ZFR: variants seen among roughly 807,000 people sequenced by gnomAD.
ZFR encodes the protein zinc finger RNA-binding protein.
Under a neutral mutation model 130.7 loss-of-function variants are expected in ZFR, and 19 were observed. The ratio of observed to expected loss-of-function variants is 0.15; its 90% CI spans 0.10 to 0.21. The LOEUF (loss-of-function observed/expected upper bound fraction) is 0.21. ZFR is among the 10% of genes least tolerant of loss of function. ZFR has a pLI of 1.00. For missense variants in ZFR, 872 were observed against 1,321.5 expected, an observed-to-expected ratio of 0.66 and a Z score of 5.27; for synonymous variants, 466 against 456.9, an observed-to-expected ratio of 1.02 and a Z score of -0.25.
chr5:32,389,529 T>C (rs1042715408), intron 12 of ZFR, among the ~76,000 whole-genome samples: 6 of 152,152 alleles, frequency 3.9e-5, no homozygotes, highest in Non-Finnish European at 8.8e-5. Context: ...TCAACATCAG[T>C]TGTTTCTGAC....
chr5:32,375,447 T>C (rs1261761746), intron 17 of ZFR, among the ~76,000 whole-genome samples: 1 of 152,224 alleles, frequency 6.6e-6, no homozygotes, highest in Non-Finnish European at 1.5e-5. Flanking sequence ...ACTCTAGAAT[T>C]ATCTTTTAAT....
chr5:32,365,605 C>G (rs1752524386), intron 17 of ZFR, among the ~76,000 whole-genome samples: 1 of 151,338 alleles, frequency 6.6e-6, no homozygotes, highest in African/African-American at 2.4e-5. Flanking sequence ...GTCACCCAGG[C>G]TAGAATGCAG....
At chr5:32,424,691 T>C (rs1245628629) in intron 2 of ZFR, among the ~76,000 whole-genome samples, 5 of 152,194 alleles carry the variant, frequency 3.3e-5, no homozygotes, top group African/African-American at 4.8e-5. Flanking sequence ...CTAGGAAGAT[T>C]TTCTAATAAG....
At chr5:32,410,167 G>A (rs1753670994) in intron 5 of ZFR, among the ~76,000 whole-genome samples, 2 of 151,290 alleles carry the variant, frequency 1.3e-5, no homozygotes, top group Admixed American at 1.3e-4. Context: ...TTAGCCCGGT[G>A]TGGTGGCATG....
chr5:32,415,083 T>G lies in ZFR; in HGVS notation c.670A>C (p.Thr224Pro). 1 of 1,614,140 alleles carries G rather than the reference T, an allele frequency of 6.2e-7. No homozygotes were observed. The highest frequency in any genetic ancestry group is 8.5e-7 in the Non-Finnish European group (1 of 1,180,028). Reference protein sequence around the residue: ...KPATPSPATTTFSIYPVSSTV... With the variant: ...KPATPSPATTPFSIYPVSSTV... ...GAGGATACAGGATAGATGGAGAAAG[T>G]AGTGGTAGCTGGACTTGGTGTGGCT... is the stretch of plus-strand genomic sequence containing the variant. The change falls in exon 5 of 20, where the codon ACT becomes CCT. Residue 224 changes from threonine to proline, a missense_variant. By Grantham distance (38) the Thr-to-Pro change is conservative (BLOSUM62 -1). This residue lies in a region of ZFR where 240 missense variants were observed against 441.2 expected (regional missense o/e 0.54). Transcript: ENST00000265069.
At chr5:32,433,570 A>C (rs958163525) in intron 2 of ZFR, among the ~76,000 whole-genome samples, 1 of 152,170 alleles carries the variant, frequency 6.6e-6, no homozygotes, top group Non-Finnish European at 1.5e-5. Context: ...ATTTTTTCTG[A>C]AATGTCTGAT....
intron 19 of ZFR, among the ~76,000 whole-genome samples, chr5:32,356,151 A>G (rs1489335449): frequency 4.6e-5 from 7 of 151,964 alleles, no homozygotes; most frequent in Non-Finnish European, 7.4e-5. Flanking sequence ...TATCTTAAAC[A>G]TTAAGTAAAA....
intron 5 of ZFR, among the ~76,000 whole-genome samples, chr5:32,410,978 G>A (rs1245357934): frequency 6.6e-6 from 1 of 152,214 alleles, no homozygotes; most frequent in African/African-American, 2.4e-5. Context: ...ATGTAAGGAT[G>A]TTCTACCTAG....
At chr5:32,396,562 A>G (rs1753318233) in intron 10 of ZFR, among the ~76,000 whole-genome samples, 1 of 152,022 alleles carries the variant, frequency 6.6e-6, no homozygotes, top group Non-Finnish European at 1.5e-5. Context: ...ACATGGTGAA[A>G]CCCCATCTCT....
chr5:32,364,320 ATT>A (rs1256084663), intron 17 of ZFR, 45 bp from the exon 18 acceptor site: 2 of 1,456,168 alleles, frequency 1.4e-6, no homozygotes, highest in African/African-American at 2.8e-5. Context: ...TACCAAAGGA[ATT>A]ACTCATTTTC....
intron 11 of ZFR, among the ~76,000 whole-genome samples, chr5:32,391,170 T>A (rs2111738871): frequency 6.6e-6 from 1 of 152,362 alleles, no homozygotes; most frequent in South Asian, 2.1e-4. Context: ...CCATCCCACC[T>A]ATGAATCATC....
chr5:32,378,788 A>C (rs1354262323), intron 17 of ZFR, among the ~76,000 whole-genome samples: 1 of 152,012 alleles, frequency 6.6e-6, no homozygotes, highest in Non-Finnish European at 1.5e-5. Context: ...CTGCATAAGG[A>C]GATTAACAGT....
At chr5:32,425,650 C>G (rs1754057898) in intron 2 of ZFR, among the ~76,000 whole-genome samples, 1 of 152,176 alleles carries the variant, frequency 6.6e-6, no homozygotes, top group South Asian at 2.1e-4. Flanking sequence ...GCCTCAGCCA[C>G]CCGAGTAGCT....
At chr5:32,396,071 T>C (rs1475585146) in intron 10 of ZFR, among the ~76,000 whole-genome samples, 2 of 151,898 alleles carry the variant, frequency 1.3e-5, no homozygotes, top group Non-Finnish European at 2.9e-5. Flanking sequence ...ATACAAAAGC[T>C]AGCCAGGCAT....
chr5:32,387,577 A>G lies in ZFR; in HGVS notation c.2471T>C (p.Ile824Thr), dbSNP rs761587136. ...AAGCTGTTTGGGTAGGTTTTCTGCAATACGGCTTAATAATGTCTTTGAAGG... is the reference window on the plus strand; with the variant it reads ...AAGCTGTTTGGGTAGGTTTTCTGCAGTACGGCTTAATAATGTCTTTGAAGG... Reference protein sequence around the residue: ...EKPSKTLLSRIAENLPKQLAV... With the variant: ...EKPSKTLLSRTAENLPKQLAV... The change falls in exon 14 of 20, where the codon ATT becomes ACT. Residue 824 changes from isoleucine (I) to threonine (T), a missense_variant. Transcript: ENST00000265069. The G allele has an allele frequency of 6.2e-7, 1 of 1,613,284 alleles. No individual in the cohort carries two copies. The highest frequency in any genetic ancestry group is 8.5e-7 in the Non-Finnish European group (1 of 1,179,562).
At position 32,444,682 on chromosome 5, in the gene ZFR, C is replaced by T. The variant is rs1297263595; in HGVS notation, c.-24G>A. ...ATGGGCTCGGGCTGCTGCTGCTGAA[C>T]TCTGAACTCTCACCCGCTGCCTCCC... On this transcript the variant is annotated 5_prime_UTR_variant, in exon 1 of 20. Coordinates refer to ENST00000265069, the MANE Select transcript of ZFR (RefSeq NM_016107.5). 22 of 1,506,482 alleles carry T rather than the reference C, an allele frequency of 1.5e-5. No individual in the cohort carries two copies. The highest frequency in any genetic ancestry group is 2.0e-5 in the Non-Finnish European group (22 of 1,127,404). The allele number at this position is 1,506,482 out of a possible 1,614,324, so 93.3% of individuals were successfully genotyped here. A position where few individuals can be genotyped will look rare whatever the true frequency, so the allele number is the denominator to read the frequency against.
chr5:32,392,172 T>A lies in ZFR; in HGVS notation c.1980-1735A>T, dbSNP rs552543695. Among the ~76,000 whole-genome samples the A allele has an allele frequency of 3.3e-5, 5 of 152,362 alleles. No individual in the cohort carries two copies. The South Asian group carries it at 1.0e-3, about 32-fold the overall frequency. ...TCCTGTTCGTTTCAGTTTCTAATAG[T>A]TTACTGTTGTTGCTAACAACGTTTA... On this transcript the variant is annotated intron_variant, in intron 11 of 19. Coordinates refer to ENST00000265069, the MANE Select transcript of ZFR (RefSeq NM_016107.5).
chr5:32,384,526 ACT>A (rs1468057718), intron 15 of ZFR, among the ~76,000 whole-genome samples: 1 of 152,204 alleles, frequency 6.6e-6, no homozygotes, highest in Non-Finnish European at 1.5e-5. Context: ...TAATTGAGAG[ACT>A]ACTGATGCTA....
chr5:32,364,306 A>T, intron 17 of ZFR, 31 bp from the exon 18 acceptor site: 1 of 1,503,388 alleles, frequency 6.7e-7, no homozygotes, highest in Non-Finnish European at 9.0e-7. Flanking sequence ...TGTGTTTAAC[A>T]GCTTACCAAA....
Sources: allele counts gnomAD v4.1 joint callset (sites outside exome capture counted in the v4.1 genomes callset), GRCh38; gene constraint gnomAD v4.1.1; regional missense constraint gnomAD v4.1.1; transcripts MANE v1.5; gene names NCBI Gene and HGNC (gene_info 2026-07-23, HGNC 2026-07-21).